The following ANO2 variants were observed in gnomAD, a reference collection of about 807,000 sequenced individuals.
The protein encoded by ANO2 is anoctamin 2, also known as anoctamin-2.
A neutral mutation model predicts 124.2 loss-of-function variants in ANO2; 101 were observed. That is an observed-to-expected ratio of 0.81 (90% CI 0.69 to 0.96). The LOEUF is 0.96. Ranked by LOEUF, ANO2 falls within the 40% of genes least tolerant of loss-of-function variation. The pLI is 0.00. For synonymous variants in ANO2, 486 were observed against 482.5 expected (o/e 1.01, Z -0.09); for missense variants, 1,293 against 1,274.5 (o/e 1.01, Z -0.22).
intron 10 of ANO2, among the ~76,000 whole-genome samples, chr12:5,760,815 C>G (rs1951718293): frequency 6.6e-6 from 1 of 152,070 alleles, no homozygotes; most frequent in Non-Finnish European, 1.5e-5. Flanking sequence ...CCAGAAAATC[C>G]TTTAAACGTT....
chr12:5,732,812 C>T (rs1013104061), intron 13 of ANO2, 182 bp from the exon 14 acceptor site: 26 of 1,609,988 alleles, frequency 1.6e-5, no homozygotes, highest in South Asian at 8.8e-5. Flanking sequence ...AAGAACACAA[C>T]GTGAGGAAGA....
intron 10 of ANO2, among the ~76,000 whole-genome samples, chr12:5,778,145 T>A (rs1455560947): frequency 1.3e-5 from 2 of 151,386 alleles, no homozygotes; most frequent in Non-Finnish European, 2.9e-5. Flanking sequence ...GTGTCTACTC[T>A]AATAAGACTA....
At chr12:5,772,378 G>A (rs1952108180) in intron 10 of ANO2, among the ~76,000 whole-genome samples, 1 of 152,212 alleles carries the variant, frequency 6.6e-6, no homozygotes. Context: ...AATCTACACA[G>A]AAGTCCTTGC....
At chr12:5,587,394 C>T (rs748527988) in intron 20 of ANO2, among the ~76,000 whole-genome samples, 11 of 152,188 alleles carry the variant, frequency 7.2e-5, no homozygotes, top group Non-Finnish European at 1.6e-4. Context: ...CTTGGGCCTA[C>T]ATCCTTCTGC....
intron 20 of ANO2, among the ~76,000 whole-genome samples, chr12:5,590,753 T>C (rs917071257): frequency 6.6e-6 from 1 of 152,196 alleles, no homozygotes; most frequent in Non-Finnish European, 1.5e-5. Flanking sequence ...GCAGCAAGCA[T>C]CACTAGGCAA....
In ANO2 at chr12:5,719,848, G is replaced by A. The variant is rs1016117741; in HGVS notation, c.1545+12672C>T. 5.3e-5 allele frequency among the ~76,000 whole-genome samples: 8 copies of A among 152,130 alleles called. No homozygotes were observed. In the South Asian group the frequency reaches 1.0e-3, roughly 20 times the overall value. On this transcript the variant is annotated intron_variant, in intron 14 of 24. Transcript: ENST00000682330. The stretch of plus-strand genomic sequence containing the variant: ...ACTAAGCTCCGGTTGAGTTGTCCAC[G>A]GTGGTAACCTGATTGACCAAGCACC...
At chr12:5,647,195 C>T (rs1946682309) in intron 15 of ANO2, among the ~76,000 whole-genome samples, 1 of 152,210 alleles carries the variant, frequency 6.6e-6, no homozygotes, top group Admixed American at 6.5e-5. Flanking sequence ...GAACTGCTAC[C>T]ACTTTATTGA....
chr12:5,668,270 T>C (rs1360100001), intron 14 of ANO2, among the ~76,000 whole-genome samples: 22 of 152,234 alleles, frequency 1.4e-4, no homozygotes, highest in Non-Finnish European at 2.5e-4. Context: ...TAGCATCTCA[T>C]TGTGGTTTTT....
chr12:5,571,146 C>G (rs1942086105), intron 23 of ANO2, among the ~76,000 whole-genome samples: 1 of 152,194 alleles, frequency 6.6e-6, no homozygotes, highest in Non-Finnish European at 1.5e-5. Flanking sequence ...TCCAAGCAGA[C>G]CCGCTGGGTT....
intron 2 of ANO2, 111 bp from the exon 3 acceptor site, chr12:5,921,477 C>T: frequency 8.9e-7 from 1 of 1,118,290 alleles, no homozygotes; most frequent in Non-Finnish European, 1.3e-6. Flanking sequence ...AAGCAAGCCT[C>T]TCAGGCCCAA....
chr12:5,597,007 C>T (rs80093517), intron 20 of ANO2, among the ~76,000 whole-genome samples: 1 of 152,220 alleles, frequency 6.6e-6, no homozygotes, highest in South Asian at 2.1e-4. Context: ...CACAGGGTTA[C>T]CCAGCTAGTT....
At chr12:5,861,659 T>C (rs1019081060) in intron 3 of ANO2, among the ~76,000 whole-genome samples, 2 of 152,126 alleles carry the variant, frequency 1.3e-5, no homozygotes, top group Admixed American at 1.3e-4. Context: ...GAACGTCAGC[T>C]GCAGCACATC....
chr12:5,645,929 G>A (rs946864489), intron 15 of ANO2, among the ~76,000 whole-genome samples: 2 of 152,140 alleles, frequency 1.3e-5, no homozygotes, highest in African/African-American at 4.8e-5. Context: ...GCCACAGTAG[G>A]GATTGCCCCT....
At chr12:5,608,947 A>G (rs2136898540) in intron 19 of ANO2, 1 of 152,342 alleles carries the variant, frequency 6.6e-6, no homozygotes, top group East Asian at 1.9e-4. Context: ...CAGCAAAATA[A>G]CAATGTACTG....
intron 3 of ANO2, among the ~76,000 whole-genome samples, chr12:5,898,883 A>G (rs938283231): frequency 9.2e-5 from 14 of 152,236 alleles, no homozygotes; most frequent in Admixed American, 6.5e-4. Context: ...CTATTCTGAT[A>G]TATGCTATAC....
At position 5,810,964 on chromosome 12, in the gene ANO2, G is replaced by A. The variant is rs964561366; in HGVS notation, c.893-3596C>T. On this transcript the variant is annotated intron_variant, in intron 7 of 24. Coordinates refer to ENST00000682330, the MANE Select transcript of ANO2 (RefSeq NM_001364791.2). ...AACACATACTTGTCATACAAAGCCTGAGACCTAGCATTAAGCTTCATAGAC... is the reference window on the plus strand; with the variant it reads ...AACACATACTTGTCATACAAAGCCTAAGACCTAGCATTAAGCTTCATAGAC... Among the ~76,000 whole-genome samples the A allele has an allele frequency of 2.0e-5, 3 of 152,178 alleles. No individual in the cohort carries two copies. In the South Asian group the frequency reaches 6.2e-4, roughly 32 times the overall value.
At position 5,592,687 on chromosome 12, in the gene ANO2, G is replaced by A. The variant is rs557994005; in HGVS notation, c.2233+6797C>T. 2.6e-5 allele frequency among the ~76,000 whole-genome samples: 4 copies of A among 152,276 alleles called. No individual in the cohort carries two copies. In the East Asian group the frequency reaches 7.7e-4, roughly 29 times the overall value. On this transcript the variant is annotated intron_variant, in intron 20 of 24. Transcript: ENST00000682330. ...GGTAGAAGGAGTGAAAAAGAAGCAG[G>A]GAGTCAACTTAGGATGCATTTCCAG...
In ANO2 at chr12:5,563,123, C is replaced by T. The variant is rs1941527302; in HGVS notation, c.*176G>A. 1.1e-6 allele frequency: 1 copy of T among 882,934 alleles called. No individual in the cohort carries two copies. Among genetic ancestry groups the T allele is most frequent in the Non-Finnish European group, 1.7e-6 (1 of 598,542 alleles). The allele number at this position is 882,934 out of a possible 1,614,324, so 54.7% of individuals were successfully genotyped here. A position where few individuals can be genotyped will look rare whatever the true frequency, so the allele number is the denominator to read the frequency against. On this transcript the variant is annotated 3_prime_UTR_variant, in exon 25 of 25. Transcript: ENST00000682330. ...GTTTCTGAGATGTAGCATCATTTCT[C>T]TTCCTTCCTACACTCATTCTGTCAG...
At chr12:5,939,435 G>T (rs1012865450) in intron 1 of ANO2, among the ~76,000 whole-genome samples, 1 of 152,094 alleles carries the variant, frequency 6.6e-6, no homozygotes, top group Non-Finnish European at 1.5e-5. Flanking sequence ...GATCAAAGAT[G>T]AGTTAGATCC....
Sources: allele counts gnomAD v4.1 joint callset (sites outside exome capture counted in the v4.1 genomes callset), GRCh38; gene constraint gnomAD v4.1.1; transcripts MANE v1.5; gene names NCBI Gene and HGNC (gene_info 2026-07-23, HGNC 2026-07-21).